The following POF1B variants were observed in gnomAD, a reference collection of about 807,000 sequenced individuals.
POF1B encodes the protein POF1B actin binding protein, also known as protein POF1B.
A neutral mutation model predicts 55.3 loss-of-function variants in POF1B; 53 were observed. The observed-to-expected ratio is 0.96, with a 90% CI of 0.77 to 1.20. The LOEUF (loss-of-function observed/expected upper bound fraction) is 1.20. Ranked by LOEUF, POF1B falls within the 50% of genes most tolerant of loss-of-function variation. The probability of loss-of-function intolerance (pLI) is 0.00; values close to 1 mark genes in which losing one functional copy is unlikely to be tolerated. For missense variants in POF1B, 478 were observed against 420.5 expected (o/e 1.14, Z -1.20); for synonymous variants, 188 against 148.3 (o/e 1.27, Z -1.95).
chrX:85,366,133 A>G (rs1933717865), intron 3 of POF1B, among the ~76,000 whole-genome samples: 1 of 112,292 alleles, frequency 8.9e-6, no homozygotes, highest in East Asian at 2.8e-4. Context: ...CAAACATAGC[A>G]GAAGAATGCC....
intron 4 of POF1B, among the ~76,000 whole-genome samples, chrX:85,353,896 G>C (rs1933436307): frequency 9.0e-6 from 1 of 111,410 alleles, no homozygotes; most frequent in South Asian, 3.7e-4. Context: ...AGAAGCAGTA[G>C]GAAGTCAAAG....
chrX:85,319,526 T>C (rs758161778), intron 7 of POF1B, among the ~76,000 whole-genome samples: 2 of 111,634 alleles, frequency 1.8e-5, no homozygotes, highest in South Asian at 7.4e-4. Context: ...GCTCTTATTA[T>C]TCTGAAGTAT....
chrX:85,327,739 G>A (rs866110050), intron 7 of POF1B, among the ~76,000 whole-genome samples: 2 of 112,304 alleles, frequency 1.8e-5, no homozygotes, highest in African/African-American at 3.2e-5. Context: ...AATTATGATA[G>A]TATTAATAGA....
chrX:85,320,830 T>C (rs758859657), intron 7 of POF1B, among the ~76,000 whole-genome samples: 8 of 111,177 alleles, frequency 7.2e-5, no homozygotes, highest in African/African-American at 9.8e-5. Flanking sequence ...ACAAATAAAC[T>C]AGAAAATCTA....
chrX:85,350,627 G>C (rs1467984505), intron 5 of POF1B, among the ~76,000 whole-genome samples: 1 of 111,303 alleles, frequency 9.0e-6, no homozygotes, highest in African/African-American at 3.3e-5. Context: ...CACAATGGTT[G>C]AACTAGTTTA....
intron 2 of POF1B, among the ~76,000 whole-genome samples, chrX:85,376,623 T>G (rs1467686649): frequency 1.8e-5 from 2 of 111,333 alleles, no homozygotes; most frequent in African/African-American, 6.5e-5. Flanking sequence ...TATGTTTAAT[T>G]AAAGAAACAA....
In POF1B at chrX:85,330,945, G is replaced by C; in HGVS notation, c.854+4C>G. 1 of 1,175,194 alleles carries C rather than the reference G, an allele frequency of 8.5e-7. No individual in the cohort carries two copies. The highest frequency in any genetic ancestry group is 1.1e-6 in the Non-Finnish European group (1 of 877,568). On this transcript the variant is annotated splice_donor_region_variant and intron_variant, in intron 7 of 16. Transcript: ENST00000262753. ...CATCAAGGCAAATAATATGTTTACA[G>C]TACCTTCCTCCAATTCTCTGCAAAT...
intron 3 of POF1B, 31 bp downstream of exon 3, chrX:85,367,661 C>A (rs776390978): frequency 1.5e-4 from 160 of 1,058,591 alleles, no homozygotes; most frequent in Non-Finnish European, 2.0e-4. Context: ...AAAAGAGGAA[C>A]AAATCTAATG....
chrX:85,300,104 A>T (rs751568373), intron 15 of POF1B, among the ~76,000 whole-genome samples: 4 of 112,617 alleles, frequency 3.6e-5, no homozygotes, highest in Non-Finnish European at 7.5e-5. Flanking sequence ...ACCAAAAATG[A>T]TAAAAGGAAA....
chrX:85,295,500 G>T (rs1470849175), intron 15 of POF1B, among the ~76,000 whole-genome samples: 1 of 111,723 alleles, frequency 9.0e-6, no homozygotes, highest in Non-Finnish European at 1.9e-5. Flanking sequence ...TCATTTGGGA[G>T]CAAGTTGTTT....
intron 6 of POF1B, among the ~76,000 whole-genome samples, chrX:85,343,240 A>C (rs1191583654): frequency 9.0e-6 from 1 of 111,008 alleles, no homozygotes; most frequent in Non-Finnish European, 1.9e-5. Context: ...AATAAAATTA[A>C]AGAAAAAAAT....
intron 2 of POF1B, among the ~76,000 whole-genome samples, chrX:85,372,766 A>T (rs1933852218): frequency 9.8e-6 from 1 of 102,531 alleles, no homozygotes; most frequent in African/African-American, 3.5e-5. Flanking sequence ...ATATTATATT[A>T]TATATACTAT....
chrX:85,372,231 C>T (rs951565254), intron 2 of POF1B, among the ~76,000 whole-genome samples: 1 of 108,570 alleles, frequency 9.2e-6, no homozygotes, highest in Non-Finnish European at 1.9e-5. Flanking sequence ...ATATTCCCAG[C>T]TACTCAGGAG....
In POF1B at chrX:85,292,900, A is replaced by G. The variant is rs185291295; in HGVS notation, c.1649+10506T>C. Among the ~76,000 whole-genome samples, 351 of 112,197 alleles carry G rather than the reference A, an allele frequency of 3.1e-3. 1 individual carries two copies. The highest frequency in any genetic ancestry group is 0.011 in the African/African-American group (329 of 30,862). On this transcript the variant is annotated intron_variant, in intron 15 of 16. Coordinates refer to ENST00000262753, the MANE Select transcript of POF1B (RefSeq NM_024921.4). Reference sequence around the variant, plus strand: ...ACAGATACTTTTCAAAAGAAGACATATATGTGGCCAATAAGCATATGATAA... The same window carrying G: ...ACAGATACTTTTCAAAAGAAGACATGTATGTGGCCAATAAGCATATGATAA...
At chrX:85,323,111 C>T (rs1237006867) in intron 7 of POF1B, among the ~76,000 whole-genome samples, 2 of 111,269 alleles carry the variant, frequency 1.8e-5, no homozygotes, top group African/African-American at 6.6e-5. Flanking sequence ...ACCCAAAGGA[C>T]TATAAATCAT....
At chrX:85,366,209 T>C (rs1231464394) in intron 3 of POF1B, among the ~76,000 whole-genome samples, 3 of 111,550 alleles carry the variant, frequency 2.7e-5, no homozygotes, top group African/African-American at 6.5e-5. Context: ...TATTCTCTTA[T>C]GGAGAGGGGG....
Position 85,375,159 on chromosome X carries a change from A to G in POF1B, c.282+4014T>C, listed in dbSNP as rs759782761. Among the ~76,000 whole-genome samples, 5 of 111,454 alleles carry G rather than the reference A, an allele frequency of 4.5e-5. No individual in the cohort carries two copies. In the South Asian group the frequency reaches 1.9e-3, roughly 41 times the overall value. Reference sequence around the variant, plus strand: ...CTGTCTTTAAAAATTATGAGTATATATACTTTATTGAAAATCAAAAAATGA... The same window carrying G: ...CTGTCTTTAAAAATTATGAGTATATGTACTTTATTGAAAATCAAAAAATGA... On this transcript the variant is annotated intron_variant, in intron 2 of 16. Coordinates refer to ENST00000262753, the MANE Select transcript of POF1B (RefSeq NM_024921.4).
intron 15 of POF1B, among the ~76,000 whole-genome samples, chrX:85,288,942 G>A (rs914118380): frequency 1.8e-5 from 2 of 111,794 alleles, no homozygotes; most frequent in African/African-American, 6.5e-5. Context: ...GCAGCTCTGT[G>A]TGATGGGACT....
In POF1B at chrX:85,279,215, G is replaced by C. The variant is rs1931843197; in HGVS notation, c.*206C>G. On this transcript the variant is annotated 3_prime_UTR_variant, in exon 17 of 17. Coordinates refer to ENST00000262753, the MANE Select transcript of POF1B (RefSeq NM_024921.4). Reference sequence around the variant, plus strand: ...GTATGTTGTTATACTGAATACATGAGTGTTATGGAAAAGATTTAGGTCTCA... The same window carrying C: ...GTATGTTGTTATACTGAATACATGACTGTTATGGAAAAGATTTAGGTCTCA... 3 of 388,604 alleles carry C rather than the reference G, an allele frequency of 7.7e-6. No homozygotes were observed. The South Asian group carries it at 1.7e-4, about 22-fold the overall frequency. The allele number at this position is 388,604 out of a possible 1,213,427, so 32.0% of individuals were successfully genotyped here.
Sources: allele counts gnomAD v4.1 joint callset (sites outside exome capture counted in the v4.1 genomes callset), GRCh38; gene constraint gnomAD v4.1.1; transcripts MANE v1.5; gene names NCBI Gene and HGNC (gene_info 2026-07-23, HGNC 2026-07-21).